The following PBX3 variants were observed in gnomAD, a reference collection of about 807,000 sequenced individuals.
PBX3 encodes the protein pre-B-cell leukemia transcription factor 3.
PBX3 carries 14 observed loss-of-function variants against 48.5 expected under a neutral mutation model. The observed-to-expected ratio is 0.29, with a 90% CI of 0.19 to 0.45. The LOEUF (loss-of-function observed/expected upper bound fraction) is 0.45. PBX3 is among the 20% of genes least tolerant of loss of function. PBX3 has a pLI of 1.00. For missense variants in PBX3, 386 were observed against 546.7 expected, an observed-to-expected ratio of 0.71 and a Z score of 2.93; for synonymous variants, 210 against 200.3, an observed-to-expected ratio of 1.05 and a Z score of -0.41.
intron 5 of PBX3, among the ~76,000 whole-genome samples, chr9:125,950,143 G>A (rs1455521684): frequency 6.6e-6 from 1 of 152,184 alleles, no homozygotes; most frequent in Non-Finnish European, 1.5e-5. Context: ...ACGTGTTTTA[G>A]GGAGCTGAAC....
At chr9:125,884,059 C>T (rs1354256690) in intron 2 of PBX3, among the ~76,000 whole-genome samples, 1 of 152,144 alleles carries the variant, frequency 6.6e-6, no homozygotes, top group Non-Finnish European at 1.5e-5. Flanking sequence ...GCAATTAATC[C>T]TTAATTACAG....
intron 5 of PBX3, among the ~76,000 whole-genome samples, chr9:125,941,382 C>T (rs1264423910): frequency 6.6e-6 from 1 of 152,186 alleles, no homozygotes; most frequent in Non-Finnish European, 1.5e-5. Context: ...AGATGGGGAA[C>T]TGAGGAGTGA....
chr9:125,768,483 C>A (rs184152640), intron 2 of PBX3, among the ~76,000 whole-genome samples: 3 of 152,144 alleles, frequency 2.0e-5, no homozygotes, highest in South Asian at 4.2e-4. Context: ...AATCATAAAT[C>A]GATTATGTTA....
chr9:125,884,296 T>G (rs1041459494), intron 2 of PBX3, among the ~76,000 whole-genome samples: 1 of 152,186 alleles, frequency 6.6e-6, no homozygotes, highest in Non-Finnish European at 1.5e-5. Context: ...TGCCAAAATG[T>G]TGTGTTGCAT....
At chr9:125,871,380 C>CA (rs34035290) in intron 2 of PBX3, among the ~76,000 whole-genome samples, 80,109 of 127,340 alleles carry the variant, frequency 0.63, 24,324 homozygotes, top group Middle Eastern at 0.71. Flanking sequence ...GACTCCGTCT[C>CA]AAAAAAAAAA....
At chr9:125,886,148 G>A (rs187727367) in intron 2 of PBX3, among the ~76,000 whole-genome samples, 2 of 152,184 alleles carry the variant, frequency 1.3e-5, no homozygotes, top group Non-Finnish European at 2.9e-5. Flanking sequence ...ATTAAAAAGT[G>A]TATAGCAGGA....
At chr9:125,950,259 C>A (rs1396697312) in intron 5 of PBX3, among the ~76,000 whole-genome samples, 2 of 152,066 alleles carry the variant, frequency 1.3e-5, no homozygotes, top group Non-Finnish European at 2.9e-5. Context: ...GTCTATCATG[C>A]AGAGTAGAAA....
chr9:125,920,206 G>A (rs1361708054), intron 3 of PBX3, among the ~76,000 whole-genome samples: 1 of 152,108 alleles, frequency 6.6e-6, no homozygotes, highest in Non-Finnish European at 1.5e-5. Flanking sequence ...ACTTCGTCTT[G>A]GGTACATTGC....
chr9:125,962,302 A>G, intron 7 of PBX3, 88 bp downstream of exon 7: 2 of 702,800 alleles, frequency 2.8e-6, no homozygotes, highest in East Asian at 5.3e-5. Context: ...AGTGGTCTAC[A>G]CATCCATGCA....
intron 2 of PBX3, among the ~76,000 whole-genome samples, chr9:125,902,379 C>T (rs1041970479): frequency 2.6e-5 from 4 of 151,638 alleles, no homozygotes; most frequent in African/African-American, 9.7e-5. Flanking sequence ...GACAATGACT[C>T]TGTAGTGTGA....
chr9:125,794,024 T>G (rs1043153910), intron 2 of PBX3, among the ~76,000 whole-genome samples: 5 of 152,182 alleles, frequency 3.3e-5, no homozygotes, highest in African/African-American at 1.2e-4. Flanking sequence ...TCTTATAATG[T>G]TTACAATTTT....
chr9:125,821,539 T>C (rs897613482), intron 2 of PBX3, among the ~76,000 whole-genome samples: 5 of 152,148 alleles, frequency 3.3e-5, no homozygotes, highest in Admixed American at 3.3e-4. Flanking sequence ...AACTAACTTG[T>C]TGGTAGTATT....
chr9:125,923,679 CCTCAGCCTCCTGAGTAG>C (rs1841504533), intron 3 of PBX3, among the ~76,000 whole-genome samples: 1 of 152,160 alleles, frequency 6.6e-6, no homozygotes, highest in African/African-American at 2.4e-5. Flanking sequence ...GATTCTCCTA[CCTCAGCCTCCTGAGTAG>C]CTGGGACCAC....
chr9:125,909,146 C>T (rs1037617784), intron 2 of PBX3, among the ~76,000 whole-genome samples: 2 of 152,158 alleles, frequency 1.3e-5, no homozygotes, highest in Non-Finnish European at 2.9e-5. Context: ...AGTCCATCTG[C>T]TCCTTCATCT....
chr9:125,904,909 G>A (rs980110567), intron 2 of PBX3, among the ~76,000 whole-genome samples: 15 of 151,976 alleles, frequency 9.9e-5, no homozygotes, highest in African/African-American at 3.1e-4. Context: ...AAAGGTCCTG[G>A]AGCTTATCCA....
At chr9:125,829,601 ATT>A (rs1423839578) in intron 2 of PBX3, among the ~76,000 whole-genome samples, 1 of 152,116 alleles carries the variant, frequency 6.6e-6, no homozygotes, top group African/African-American at 2.4e-5. Flanking sequence ...CATTTTTAAT[ATT>A]TCCTCCATTC....
chr9:125,752,406 A>G (rs1836400128), intron 2 of PBX3, among the ~76,000 whole-genome samples: 1 of 152,096 alleles, frequency 6.6e-6, no homozygotes, highest in Admixed American at 6.5e-5. Flanking sequence ...TTTTAAAGGA[A>G]CCCTCCCTAG....
intron 2 of PBX3, among the ~76,000 whole-genome samples, chr9:125,807,100 A>G (rs1838146751): frequency 6.6e-6 from 1 of 152,232 alleles, no homozygotes; most frequent in African/African-American, 2.4e-5. Flanking sequence ...AGGCGATGAG[A>G]TCACTTGAGG....
intron 2 of PBX3, among the ~76,000 whole-genome samples, chr9:125,886,554 C>A (rs140924431): frequency 6.6e-6 from 1 of 152,270 alleles, no homozygotes; most frequent in African/African-American, 2.4e-5. Flanking sequence ...GGGTAAATTA[C>A]AGTCATTTAC....
Sources: allele counts gnomAD v4.1 joint callset (sites outside exome capture counted in the v4.1 genomes callset), GRCh38; gene constraint gnomAD v4.1.1; transcripts MANE v1.5; gene names NCBI Gene and HGNC (gene_info 2026-07-23, HGNC 2026-07-21).